The following BICRAL variants were observed in gnomAD, a reference collection of about 807,000 sequenced individuals.
BICRAL encodes BICRA like chromatin remodeling complex associated protein.
A neutral mutation model predicts 91.8 loss-of-function variants in BICRAL; 8 were observed. That is an observed-to-expected ratio of 0.09 (90% confidence interval 0.05 to 0.16). BICRAL has a LOEUF of 0.16. BICRAL is among the 10% of genes least tolerant of loss of function. The pLI is 1.00. For missense variants in BICRAL, 1,038 were observed against 1,310.9 expected (o/e 0.79, Z 3.21); for synonymous variants, 445 against 491.1 (o/e 0.91, Z 1.24).
At chr6:42,752,646 C>T (rs1400779249) in intron 1 of BICRAL, among the ~76,000 whole-genome samples, 1 of 152,064 alleles carries the variant, frequency 6.6e-6, no homozygotes. Context: ...CACTGTTTCC[C>T]AGGCTGGAGT....
At chr6:42,805,086 A>G (rs1335647883) in intron 1 of BICRAL, among the ~76,000 whole-genome samples, 1 of 152,246 alleles carries the variant, frequency 6.6e-6, no homozygotes, top group East Asian at 1.9e-4. Flanking sequence ...CCAAAGATGT[A>G]GTTGCTGCTT....
intron 10 of BICRAL, among the ~76,000 whole-genome samples, chr6:42,858,392 T>G (rs1288000161): frequency 6.6e-6 from 1 of 150,938 alleles, no homozygotes; most frequent in African/African-American, 2.4e-5. Flanking sequence ...GGCACACGCC[T>G]TCAGTCCCAG....
At chr6:42,778,191 A>G (rs1205155008), upstream of BICRAL, among the ~76,000 whole-genome samples, 2 of 152,190 alleles carry the variant, frequency 1.3e-5, no homozygotes, top group Non-Finnish European at 2.9e-5. Context: ...GGCATTCTCA[A>G]AGTAGGTCTT....
intron 6 of BICRAL, among the ~76,000 whole-genome samples, chr6:42,840,216 C>A (rs1027400901): frequency 2.1e-5 from 3 of 140,166 alleles, no homozygotes; most frequent in African/African-American, 8.8e-5. Flanking sequence ...TATTTTTGTT[C>A]TTTTTTGTTT....
intron 6 of BICRAL, among the ~76,000 whole-genome samples, chr6:42,841,229 G>T (rs183207521): frequency 8.4e-6 from 1 of 119,056 alleles, no homozygotes; most frequent in Admixed American, 1.1e-4. Context: ...TCACTTTGTC[G>T]CCAGGCTGGA....
rs566084523 is a variant in BICRAL at position 42,846,771 on chromosome 6, CT to C, written c.1840-5317del. Among the ~76,000 whole-genome samples the C allele has an allele frequency of 2.1e-3, 315 of 152,300 alleles. 2 individuals are homozygous for C. Among genetic ancestry groups the C allele is most frequent in the African/African-American group, 5.7e-3 (235 of 41,558 alleles). ...ACCTGCTTTACTGGTAGGCTTGGCA[CT>C]TTTAGAGGGTGTGTAGCGGTTGCTT... On this transcript the variant is annotated intron_variant, in intron 6 of 12. Transcript: ENST00000314073.
intron 6 of BICRAL, among the ~76,000 whole-genome samples, chr6:42,848,248 T>C (rs1201743772): frequency 3.3e-5 from 5 of 150,228 alleles, no homozygotes; most frequent in African/African-American, 1.2e-4. Context: ...TGAGACTCCA[T>C]CTCAAAAAAA....
At chr6:42,812,072 A>G (rs1406428937) in intron 2 of BICRAL, among the ~76,000 whole-genome samples, 1 of 152,248 alleles carries the variant, frequency 6.6e-6, no homozygotes, top group Non-Finnish European at 1.5e-5. Flanking sequence ...ATCCAATAAA[A>G]AAATGACCAG....
chr6:42,774,415 G>A (rs1762782200), intron 1 of BICRAL, among the ~76,000 whole-genome samples: 1 of 152,146 alleles, frequency 6.6e-6, no homozygotes, highest in Non-Finnish European at 1.5e-5. Flanking sequence ...TTGAGTTTTG[G>A]TGCTTGCATG....
intron 1 of BICRAL, among the ~76,000 whole-genome samples, chr6:42,807,659 A>T (rs1763745276): frequency 1.3e-5 from 2 of 151,818 alleles, no homozygotes; most frequent in Admixed American, 1.3e-4. Flanking sequence ...TACAAATATT[A>T]GCTGGGCGTG....
intron 1 of BICRAL, among the ~76,000 whole-genome samples, chr6:42,809,603 TAGCTGGG>T (rs1474248468): frequency 6.6e-6 from 1 of 151,176 alleles, no homozygotes; most frequent in East Asian, 2.0e-4. Context: ...GCCTCCCAAG[TAGCTGGG>T]ACCACAGGCC....
chr6:42,786,330 CTG>C (rs1194468012), intron 1 of BICRAL, among the ~76,000 whole-genome samples: 2 of 152,188 alleles, frequency 1.3e-5, no homozygotes, highest in Non-Finnish European at 2.9e-5. Flanking sequence ...TCTGTGCAGT[CTG>C]TGTCCAGTCT....
rs142200624 is a variant in BICRAL, at chr6:42,828,062, G to T, written c.160-431G>T. Among the ~76,000 whole-genome samples, 1,058 of 152,242 alleles carry T rather than the reference G, an allele frequency of 6.9e-3. 5 individuals carry two copies. The highest frequency in any genetic ancestry group is 0.022 in the African/African-American group (931 of 41,522). ...TGATGGAAATAAAATATCAGAATAA[G>T]GTGAGCAGTTTAGAGAGTTATGCCT... On this transcript the variant is annotated intron_variant, in intron 5 of 12. Coordinates refer to ENST00000314073, the MANE Select transcript of BICRAL (RefSeq NM_001393499.1).
At chr6:42,793,998 T>C (rs1206165161) in intron 1 of BICRAL, among the ~76,000 whole-genome samples, 1 of 151,458 alleles carries the variant, frequency 6.6e-6, no homozygotes, top group African/African-American at 2.4e-5. Context: ...ATTTTTATTT[T>C]TATTTTTATT....
chr6:42,845,169 C>T (rs1177201627), intron 6 of BICRAL, among the ~76,000 whole-genome samples: 2 of 121,960 alleles, frequency 1.6e-5, no homozygotes, highest in East Asian at 5.2e-4. Flanking sequence ...CCTTCGGCTG[C>T]CTTCTCTGTT....
intron 8 of BICRAL, among the ~76,000 whole-genome samples, chr6:42,854,263 A>G (rs904888012): frequency 2.7e-4 from 41 of 152,174 alleles, no homozygotes; most frequent in Non-Finnish European, 1.0e-4. Context: ...CAGTAGTGCA[A>G]TCACAGCTTA....
At chr6:42,772,487 A>G (rs139952923) in intron 1 of BICRAL, among the ~76,000 whole-genome samples, 16 of 152,280 alleles carry the variant, frequency 1.1e-4, no homozygotes, top group Admixed American at 9.8e-4. Flanking sequence ...ATTCTCTGTA[A>G]AGGGACCACA....
chr6:42,854,771 T>G (rs1765294683), intron 8 of BICRAL, among the ~76,000 whole-genome samples: 1 of 152,192 alleles, frequency 6.6e-6, no homozygotes, highest in African/African-American at 2.4e-5. Flanking sequence ...TTCTCCCACC[T>G]CAGCCTACCA....
At chr6:42,783,516 C>T (rs543866303) in intron 1 of BICRAL, among the ~76,000 whole-genome samples, 1 of 152,218 alleles carries the variant, frequency 6.6e-6, no homozygotes, top group African/African-American at 2.4e-5. Context: ...CGGGCGCCAT[C>T]TTTCTCGCGG....
Sources: allele counts gnomAD v4.1 joint callset (sites outside exome capture counted in the v4.1 genomes callset), GRCh38; gene constraint gnomAD v4.1.1; transcripts MANE v1.5; gene names NCBI Gene and HGNC (gene_info 2026-07-23, HGNC 2026-07-21).